Variants in SYTL3 observed in about 807,000 individuals in gnomAD.
SYTL3 encodes synaptotagmin like 3.
A neutral mutation model predicts 82.1 loss-of-function variants in SYTL3; 88 were observed. The observed-to-expected ratio is 1.07, with a 90% confidence interval of 0.90 to 1.28. The LOEUF is 1.28. Among genes scored for constraint, SYTL3 ranks in the 50% most tolerant of loss-of-function variants. The probability of loss-of-function intolerance (pLI) is 0.00; values close to 1 mark genes in which losing one functional copy is unlikely to be tolerated. For missense variants in SYTL3, 831 were observed against 757.6 expected (o/e 1.10, Z -1.14); for synonymous variants, 311 against 289.4 (o/e 1.07, Z -0.76).
chr6:158,707,879 T>TCCCCTGTTCTTTCCC (rs1782282548), intron 7 of SYTL3, among the ~76,000 whole-genome samples: 1 of 152,222 alleles, frequency 6.6e-6, no homozygotes. Context: ...ATTTTTTTCC[T>TCCCCTGTTCTTTCCC]CCCCTGTTCT....
intron 8 of SYTL3, among the ~76,000 whole-genome samples, chr6:158,711,072 G>A (rs1196202322): frequency 2.0e-5 from 3 of 151,734 alleles, no homozygotes; most frequent in East Asian, 1.9e-4. Context: ...GAGCCACCTC[G>A]CCCAGCCAGG....
chr6:158,737,466 C>G (rs899418608), intron 11 of SYTL3, among the ~76,000 whole-genome samples: 2 of 152,204 alleles, frequency 1.3e-5, no homozygotes, highest in Non-Finnish European at 2.9e-5. Flanking sequence ...ACTTAGCTTG[C>G]AGTTACAGGA....
chr6:158,752,077 G>A lies in SYTL3; in HGVS notation c.1137+47G>A, dbSNP rs562914975. 4 of 1,430,016 alleles carry A rather than the reference G, an allele frequency of 2.8e-6. No individual in the cohort carries two copies. The Admixed American group carries it at 7.7e-5, about 27-fold the overall frequency. 88.6% of individuals were successfully genotyped at this position (1,430,016 alleles called of 1,614,324 possible). A position where few individuals can be genotyped will look rare whatever the true frequency, so the allele number is the denominator to read the frequency against. ...CTGTGCAGAGTCCTCCCGAGCCCGG[G>A]TGGAGCGCCTGGGGCAGAGTCCAGT... On this transcript the variant is annotated intron_variant, in intron 13 of 17. Transcript: ENST00000611299.
chr6:158,651,942 A>G lies in SYTL3; in HGVS notation c.-637+100A>G, dbSNP rs1043011646. The G allele has an allele frequency of 4.6e-5, 7 of 150,660 alleles. 1 individual carries two copies. The highest frequency in any genetic ancestry group is 1.7e-4 in the African/African-American group (7 of 41,058). 9.3% of individuals were successfully genotyped at this position (150,660 alleles called of 1,614,324 possible). On this transcript the variant is annotated intron_variant, in intron 2 of 17. Transcript: ENST00000611299. ...TATGTATTTTTATTTTTTTTTATTT[A>G]TTTGAGATGGAGTCTCACTCTGTTG... is the stretch of plus-strand genomic sequence containing the variant.
intron 6 of SYTL3, among the ~76,000 whole-genome samples, chr6:158,692,774 A>T (rs1371721295): frequency 1.6e-5 from 1 of 62,800 alleles, no homozygotes; most frequent in Admixed American, 1.4e-4. Flanking sequence ...CGTCTCTACT[A>T]AAAAAAAAAA....
rs539636374 is a variant in SYTL3 at position 158,714,347 on chromosome 6, G to A, written c.595+469G>A. Reference sequence around the variant, plus strand: ...AGCCTGAGCAACAGAGCAAGACTCCGTCTCAAAAAAGAAAAAGAAAAAAAA... The same window carrying A: ...AGCCTGAGCAACAGAGCAAGACTCCATCTCAAAAAAGAAAAAGAAAAAAAA... On this transcript the variant is annotated intron_variant, in intron 9 of 17. Transcript: ENST00000611299. Among the ~76,000 whole-genome samples the A allele has an allele frequency of 9.3e-5, 14 of 150,278 alleles. No homozygotes were observed. The South Asian group carries it at 1.7e-3, about 18-fold the overall frequency.
intron 11 of SYTL3, among the ~76,000 whole-genome samples, chr6:158,733,139 T>A (rs192642440): frequency 9.2e-5 from 14 of 152,342 alleles, no homozygotes; most frequent in Non-Finnish European, 8.8e-5. Flanking sequence ...CCTATGTAGC[T>A]GTTAGATATA....
chr6:158,702,938 A>T (rs759132517), intron 6 of SYTL3, among the ~76,000 whole-genome samples: 3 of 151,990 alleles, frequency 2.0e-5, no homozygotes, highest in Non-Finnish European at 2.9e-5. Context: ...ACGAATCACA[A>T]GGTCAGGAGA....
At chr6:158,704,007 A>G (rs914816109) in intron 6 of SYTL3, among the ~76,000 whole-genome samples, 24 of 151,754 alleles carry the variant, frequency 1.6e-4, no homozygotes, top group African/African-American at 5.8e-4. Flanking sequence ...TTGTATTTTT[A>G]GTAGAGACGA....
rs183716236 is a variant in SYTL3, at chr6:158,696,164, G to A, written c.395-11066G>A. 4.6e-5 allele frequency among the ~76,000 whole-genome samples: 7 copies of A among 152,108 alleles called. No individual in the cohort carries two copies. In the East Asian group the frequency reaches 1.3e-3, roughly 29 times the overall value. ...ACTTCCCCACTAGCAATGCACAAGG[G>A]TTCCAATTTTTTCACAACCACACTA... On this transcript the variant is annotated intron_variant, in intron 6 of 17. Transcript: ENST00000611299.
rs149955988 is a variant in SYTL3, at chr6:158,753,452, C to T, written c.1137+1422C>T. On this transcript the variant is annotated intron_variant, in intron 13 of 17. Coordinates refer to ENST00000611299, the MANE Select transcript of SYTL3 (RefSeq NM_001242394.2). ...TTTTTTTAAAATGCAGATTCTGGGC[C>T]GGGCGCGGTGGCTCACGCCTGTAAT... 1.1e-3 allele frequency among the ~76,000 whole-genome samples: 158 copies of T among 149,954 alleles called. No individual in the cohort carries two copies. The East Asian group carries it at 0.029, about 28-fold the overall frequency.
chr6:158,649,976 C>T (rs757368558), upstream of SYTL3: 9 of 151,852 alleles, frequency 5.9e-5, no homozygotes, highest in East Asian at 1.9e-4. Flanking sequence ...AGCCTGTGCC[C>T]GACAGGAAGG....
At chr6:158,749,115 C>T (rs975235182) in intron 12 of SYTL3, among the ~76,000 whole-genome samples, 172 of 152,126 alleles carry the variant, frequency 1.1e-3, no homozygotes, top group African/African-American at 4.1e-3. Flanking sequence ...ATCCCAGCTA[C>T]ACAGGAGGCT....
chr6:158,674,085 A>AAAT (rs71298903), intron 5 of SYTL3, among the ~76,000 whole-genome samples: 39,259 of 125,612 alleles, frequency 0.31, 5,936 homozygotes, highest in Non-Finnish European at 0.37. Flanking sequence ...CTGTGTCTCA[A>AAAT]AATAATAATA....
intron 2 of SYTL3, among the ~76,000 whole-genome samples, chr6:158,656,458 G>A (rs1788687233): frequency 1.3e-5 from 2 of 152,210 alleles, no homozygotes; most frequent in African/African-American, 4.8e-5. Flanking sequence ...GGGTGCGATG[G>A]CTCACGCCTG....
intron 5 of SYTL3, among the ~76,000 whole-genome samples, chr6:158,671,337 T>C (rs1469213966): frequency 6.6e-6 from 1 of 152,188 alleles, no homozygotes; most frequent in Non-Finnish European, 1.5e-5. Flanking sequence ...TTTGTTAATA[T>C]TCTCTGTTGT....
At chr6:158,658,888 C>T (rs1426088335) in intron 2 of SYTL3, among the ~76,000 whole-genome samples, 1 of 152,114 alleles carries the variant, frequency 6.6e-6, no homozygotes, top group Non-Finnish European at 1.5e-5. Context: ...GAGATCATGC[C>T]ATTGCACTCC....
At chr6:158,728,039 T>C (rs903748996) in intron 11 of SYTL3, among the ~76,000 whole-genome samples, 3 of 152,174 alleles carry the variant, frequency 2.0e-5, no homozygotes, top group Admixed American at 1.3e-4. Context: ...ATGATGAACA[T>C]TTTCATACAT....
intron 5 of SYTL3, among the ~76,000 whole-genome samples, chr6:158,673,601 C>T (rs1273256467): frequency 1.3e-5 from 2 of 151,318 alleles, no homozygotes; most frequent in Non-Finnish European, 2.9e-5. Context: ...CACCATGCCC[C>T]CCTAATTTTT....
Sources: gnomAD v4.1 joint callset for allele counts (sites outside exome capture counted in the v4.1 genomes callset) on GRCh38, gnomAD v4.1.1 for gene constraint, MANE v1.5 for transcripts, NCBI Gene and HGNC (gene_info 2026-07-23, HGNC 2026-07-21) for gene names.